Variants in SLC25A40 observed in about 807,000 individuals in gnomAD.
The protein encoded by SLC25A40 is mitochondrial glutathione transporter SLC25A40.
A neutral mutation model predicts 46.5 loss-of-function variants in SLC25A40; 41 were observed. The ratio of observed to expected loss-of-function variants is 0.88; its 90% confidence interval spans 0.69 to 1.14. The LOEUF (loss-of-function observed/expected upper bound fraction) is 1.14, where lower values mean the gene tolerates loss of function less well. SLC25A40 is among the 50% of genes most tolerant of loss of function. The pLI, the probability that SLC25A40 is intolerant of heterozygous loss-of-function variation, is 0.00. For synonymous variants in SLC25A40, 126 were observed against 127.5 expected (o/e 0.99, Z 0.08); for missense variants, 386 against 393.6 (o/e 0.98, Z 0.16).
rs764240725 is a variant in SLC25A40 at position 87,836,380 on chromosome 7, TA to T, written c.905-20del. ...ATTAGGCCTGAGAAAAGAATAGGAA[TA>T]ATCAAAACAAATATTTTTTTCTTAC... On this transcript the variant is annotated intron_variant, in intron 11 of 11. Coordinates refer to ENST00000341119, the MANE Select transcript of SLC25A40 (RefSeq NM_018843.4). 6.4e-6 allele frequency: 9 copies of T among 1,400,848 alleles called. No homozygotes were observed. The highest frequency in any genetic ancestry group is 8.6e-6 in the Non-Finnish European group (9 of 1,047,926). The allele number at this position is 1,400,848 out of a possible 1,614,324, so 86.8% of individuals were successfully genotyped here.
At chr7:87,836,889 G>A (rs1838264637) in intron 10 of SLC25A40, 79 bp from the exon 11 acceptor site, 3 of 791,772 alleles carry the variant, frequency 3.8e-6, no homozygotes, top group South Asian at 2.6e-5. Flanking sequence ...TAGTGTCCAT[G>A]GCCCTTGCGG....
At chr7:87,838,090 A>T (rs750599497) in intron 10 of SLC25A40, among the ~76,000 whole-genome samples, 3 of 151,516 alleles carry the variant, frequency 2.0e-5, no homozygotes, top group Non-Finnish European at 4.4e-5. Flanking sequence ...AGATAAATGA[A>T]GCCTTATGAT....
Position 87,869,116 on chromosome 7 carries a change from C to G in SLC25A40, c.-94+6980G>C, listed in dbSNP as rs185908072. Among the ~76,000 whole-genome samples the G allele has an allele frequency of 2.0e-5, 3 of 152,228 alleles. No homozygotes were observed. In the East Asian group the frequency reaches 5.8e-4, roughly 29 times the overall value. ...CTGTGGCTCTGAAAGCTGCCTCATC[C>G]TATTTGAGTTCTGGGATATTGCTGG... On this transcript the variant is annotated intron_variant, in intron 1 of 11. Coordinates refer to ENST00000341119, the MANE Select transcript of SLC25A40 (RefSeq NM_018843.4).
intron 5 of SLC25A40, among the ~76,000 whole-genome samples, chr7:87,853,785 G>A (rs908855375): frequency 1.3e-5 from 2 of 152,288 alleles, no homozygotes; most frequent in Non-Finnish European, 2.9e-5. Context: ...AGGAGTTGGT[G>A]AGAACACAAC....
At chr7:87,874,816 T>C (rs1471507651) in intron 1 of SLC25A40, among the ~76,000 whole-genome samples, 1 of 152,214 alleles carries the variant, frequency 6.6e-6, no homozygotes. Context: ...GATTCCAATG[T>C]TTGCAGTCTC....
intron 10 of SLC25A40, among the ~76,000 whole-genome samples, chr7:87,838,184 T>C (rs1461995038): frequency 6.6e-6 from 1 of 151,468 alleles, no homozygotes; most frequent in Non-Finnish European, 1.5e-5. Context: ...TGAATGAAAT[T>C]TAACTTTCTA....
At chr7:87,848,123 AT>A in intron 6 of SLC25A40, 146 bp from the exon 7 acceptor site, 2 of 908,664 alleles carry the variant, frequency 2.2e-6, no homozygotes, top group Non-Finnish European at 3.1e-6. Flanking sequence ...TATGAGATCA[AT>A]TTTTCTTTTA....
intron 1 of SLC25A40, among the ~76,000 whole-genome samples, chr7:87,868,557 CCT>C (rs1838843060): frequency 1.3e-5 from 2 of 152,196 alleles, no homozygotes; most frequent in South Asian, 4.1e-4. Context: ...CCCACAACTC[CCT>C]CTTTGGGTTT....
chr7:87,847,052 G>T lies in SLC25A40; in HGVS notation c.528C>A (p.Tyr176Ter), dbSNP rs768592461. 6.2e-7 allele frequency: 1 copy of T among 1,613,620 alleles called. No individual in the cohort carries two copies. The highest frequency in any genetic ancestry group is 1.7e-5 in the Admixed American group (1 of 59,998). The change falls in exon 8 of 12, where the codon TAC becomes TAA. Residue 176 changes from tyrosine (Y) to a stop codon, truncating the protein, a stop_gained. Coordinates refer to ENST00000341119, the MANE Select transcript of SLC25A40 (RefSeq NM_018843.4). LOFTEE classifies it high-confidence loss of function. ...TGCTGACAAATCGATGCAGTTCCAC[G>T]TAAGAAAACTTCTTGGACTGCATCT... ...RTKMQSKKFS[Y>*]VELHRFVSKK...
intron 9 of SLC25A40, 44 bp downstream of exon 9, chr7:87,843,710 A>G (rs760632716): frequency 2.4e-5 from 35 of 1,457,838 alleles, no homozygotes; most frequent in Non-Finnish European, 3.2e-5. Context: ...TTTTAATACA[A>G]CAATTATTCT....
intron 8 of SLC25A40, among the ~76,000 whole-genome samples, chr7:87,845,372 C>CT (rs1192222723): frequency 2.6e-5 from 4 of 152,124 alleles, no homozygotes; most frequent in Non-Finnish European, 4.4e-5. Flanking sequence ...GGTGAGTGAG[C>CT]ATTACCGCCT....
At chr7:87,849,083 G>C (rs1027555964) in intron 6 of SLC25A40, among the ~76,000 whole-genome samples, 3 of 152,092 alleles carry the variant, frequency 2.0e-5, no homozygotes, top group East Asian at 1.9e-4. Context: ...TAGACAATTA[G>C]AATTACCTGG....
intron 8 of SLC25A40, among the ~76,000 whole-genome samples, chr7:87,845,192 G>A (rs957004776): frequency 2.0e-5 from 3 of 152,118 alleles, no homozygotes; most frequent in Non-Finnish European, 2.9e-5. Context: ...ATTAACCAGC[G>A]AAACAGATCC....
At position 87,836,176 on chromosome 7, in the gene SLC25A40, G is replaced by C; in HGVS notation, c.*73C>G. Reference sequence around the variant, plus strand: ...ATAAAATCATTGTGAGAGAATAATGGTGAAAAACATTCTTGCCTAAGAGTC... The same window carrying C: ...ATAAAATCATTGTGAGAGAATAATGCTGAAAAACATTCTTGCCTAAGAGTC... On this transcript the variant is annotated 3_prime_UTR_variant, in exon 12 of 12. Coordinates refer to ENST00000341119, the MANE Select transcript of SLC25A40 (RefSeq NM_018843.4). The C allele has an allele frequency of 1.2e-6, 1 of 849,392 alleles. No individual in the cohort carries two copies. The highest frequency in any genetic ancestry group is 1.7e-5 in the South Asian group (1 of 58,706). 52.6% of individuals were successfully genotyped at this position (849,392 alleles called of 1,614,324 possible). A position where few individuals can be genotyped will look rare whatever the true frequency, so the allele number is the denominator to read the frequency against.
intron 10 of SLC25A40, among the ~76,000 whole-genome samples, chr7:87,839,568 G>A (rs1312498506): frequency 6.6e-6 from 1 of 151,402 alleles, no homozygotes. Context: ...GAGATTAAAT[G>A]TTTAAAAATT....
chr7:87,858,768 A>G lies in SLC25A40; in HGVS notation c.-24-17T>C, dbSNP rs1838652173. ...AATAAAAACCTGTTAAAAAGAAAAC[A>G]TAAAATTAGAGCACATCCTCTGATC... On this transcript the variant is annotated splice_polypyrimidine_tract_variant and intron_variant, in intron 2 of 11. Coordinates refer to ENST00000341119, the MANE Select transcript of SLC25A40 (RefSeq NM_018843.4). 1.5e-6 allele frequency: 2 copies of G among 1,356,580 alleles called. No homozygotes were observed. The highest frequency in any genetic ancestry group is 2.1e-6 in the Non-Finnish European group (2 of 950,814). 84.0% of individuals were successfully genotyped at this position (1,356,580 alleles called of 1,614,324 possible).
chr7:87,871,298 T>A (rs966063292), intron 1 of SLC25A40, among the ~76,000 whole-genome samples: 3 of 152,224 alleles, frequency 2.0e-5, no homozygotes, highest in Non-Finnish European at 4.4e-5. Flanking sequence ...AGCCTCCAGA[T>A]AATAGCATTG....
chr7:87,859,261 T>C (rs566891840), intron 2 of SLC25A40, among the ~76,000 whole-genome samples: 1 of 152,102 alleles, frequency 6.6e-6, no homozygotes, highest in Admixed American at 6.5e-5. Flanking sequence ...GAGACCAACC[T>C]GGCTAACATG....
chr7:87,852,303 C>G (rs1415367970), intron 5 of SLC25A40, among the ~76,000 whole-genome samples: 1 of 152,058 alleles, frequency 6.6e-6, no homozygotes, highest in African/African-American at 2.4e-5. Context: ...AAATAAGGAC[C>G]AGATGCTGTG....
Sources: allele counts gnomAD v4.1 joint callset (sites outside exome capture counted in the v4.1 genomes callset), GRCh38; gene constraint gnomAD v4.1.1; transcripts MANE v1.5; gene names NCBI Gene and HGNC (gene_info 2026-07-23, HGNC 2026-07-21).